The following DPYD variants were observed in gnomAD, a reference collection of about 807,000 sequenced individuals.
DPYD encodes dihydropyrimidine dehydrogenase [NADP(+)].
Under a neutral mutation model 116.2 loss-of-function variants are expected in DPYD, and 109 were observed. The observed-to-expected ratio is 0.94, with a 90% CI of 0.80 to 1.10. DPYD has a LOEUF of 1.10. Among genes scored for constraint, DPYD ranks in the 50% least tolerant of loss-of-function variants. DPYD has a pLI of 0.00. For missense variants in DPYD, 1,302 were observed against 1,254.5 expected (o/e 1.04, Z -0.57); for synonymous variants, 440 against 432.0 (o/e 1.02, Z -0.23).
intron 16 of DPYD, among the ~76,000 whole-genome samples, chr1:97,338,033 C>G (rs1669390149): frequency 6.6e-6 from 1 of 152,112 alleles, no homozygotes; most frequent in Non-Finnish European, 1.5e-5. Context: ...AGTGGTTCCT[C>G]CATTCCTGTT....
At chr1:97,263,555 C>A (rs1241445467) in intron 18 of DPYD, among the ~76,000 whole-genome samples, 1 of 151,888 alleles carries the variant, frequency 6.6e-6, no homozygotes, top group African/African-American at 2.4e-5. Flanking sequence ...GCTTATATAG[C>A]CATTATTATT....
intron 18 of DPYD, among the ~76,000 whole-genome samples, chr1:97,304,156 G>A (rs1667027030): frequency 6.6e-6 from 1 of 151,954 alleles, no homozygotes; most frequent in South Asian, 2.1e-4. Flanking sequence ...CAACATGGCA[G>A]GCTGGAAAAA....
intron 3 of DPYD, among the ~76,000 whole-genome samples, chr1:97,778,214 GAGA>G (rs1240218959): frequency 1.5e-5 from 2 of 132,202 alleles, no homozygotes; most frequent in Non-Finnish European, 3.2e-5. Flanking sequence ...GAGAGAGAGA[GAGA>G]GAGGGAGGGA....
At chr1:97,594,102 T>C (rs970845019) in intron 9 of DPYD, among the ~76,000 whole-genome samples, 1 of 152,180 alleles carries the variant, frequency 6.6e-6, no homozygotes, top group Non-Finnish European at 1.5e-5. Context: ...ATTCCTTATG[T>C]GTTAGGTAGC....
intron 2 of DPYD, among the ~76,000 whole-genome samples, chr1:97,846,498 T>A (rs537657594): frequency 6.6e-6 from 1 of 152,204 alleles, no homozygotes; most frequent in African/African-American, 2.4e-5. Flanking sequence ...CTTGTGGGAC[T>A]GAGCCCATAA....
chr1:97,804,535 T>C (rs1325972132), intron 3 of DPYD, among the ~76,000 whole-genome samples: 1 of 151,804 alleles, frequency 6.6e-6, no homozygotes, highest in Non-Finnish European at 1.5e-5. Context: ...GTATTTTGAG[T>C]TTATCTATCC....
intron 19 of DPYD, among the ~76,000 whole-genome samples, chr1:97,198,439 A>G (rs1658966287): frequency 2.0e-5 from 3 of 152,216 alleles, no homozygotes; most frequent in African/African-American, 2.4e-5. Flanking sequence ...TAATAAGACT[A>G]AAAATAAAAC....
At chr1:97,768,522 T>C (rs903099794) in intron 3 of DPYD, among the ~76,000 whole-genome samples, 1 of 152,222 alleles carries the variant, frequency 6.6e-6, no homozygotes, top group African/African-American at 2.4e-5. Context: ...CATTAAGATC[T>C]GTGATGATAA....
intron 3 of DPYD, among the ~76,000 whole-genome samples, chr1:97,796,681 G>A (rs72977779): frequency 0.022 from 3,320 of 152,196 alleles, 55 homozygotes; most frequent in Middle Eastern, 0.044. Context: ...AGACAGAGAA[G>A]AGAGAACAAA....
At chr1:97,574,076 A>G in intron 10 of DPYD, 106 bp from the exon 11 acceptor site, 1 of 1,519,764 alleles carries the variant, frequency 6.6e-7, no homozygotes, top group Non-Finnish European at 8.8e-7. Flanking sequence ...TATTAAGTCA[A>G]TATGCAGCTT....
chr1:97,090,690 C>T (rs1048125393), intron 21 of DPYD, among the ~76,000 whole-genome samples: 3 of 152,122 alleles, frequency 2.0e-5, no homozygotes, highest in African/African-American at 7.2e-5. Flanking sequence ...TGTCTTTCTC[C>T]CTTGCTAGAC....
At chr1:97,257,452 T>TATATATATATATATATATAG (rs375490078) in intron 18 of DPYD, among the ~76,000 whole-genome samples, 1 of 126,474 alleles carries the variant, frequency 7.9e-6, no homozygotes, top group African/African-American at 3.1e-5. Flanking sequence ...TATATATATA[T>TATATATATATATATATATAG]AGAGAGAGAG....
rs111732478 is a variant in DPYD at position 97,848,977 on chromosome 1, C to T, written c.151-20781G>A. On this transcript the variant is annotated intron_variant, in intron 2 of 22. Coordinates refer to ENST00000370192, the MANE Select transcript of DPYD (RefSeq NM_000110.4). Reference sequence around the variant, plus strand: ...TATCCTAAGGAAATACTCTTAAATACGTGAAATGATAGTGATTACAATTAC... The same window carrying T: ...TATCCTAAGGAAATACTCTTAAATATGTGAAATGATAGTGATTACAATTAC... Among the ~76,000 whole-genome samples the T allele has an allele frequency of 9.6e-3, 1,453 of 152,022 alleles. 27 individuals carry two copies. Among genetic ancestry groups the T allele is most frequent in the African/African-American group, 0.033 (1,376 of 41,468 alleles).
At chr1:97,448,721 T>C (rs1676229140) in intron 14 of DPYD, among the ~76,000 whole-genome samples, 1 of 151,830 alleles carries the variant, frequency 6.6e-6, no homozygotes, top group South Asian at 2.1e-4. Flanking sequence ...GAGTTAATTA[T>C]ATAATATGAA....
intron 2 of DPYD, among the ~76,000 whole-genome samples, chr1:97,872,340 C>G (rs1571506406): frequency 6.6e-6 from 1 of 151,762 alleles, no homozygotes; most frequent in South Asian, 2.1e-4. Context: ...AATAGAGCAC[C>G]CTGCTTAACC....
chr1:97,111,950 G>C (rs913530212), intron 20 of DPYD, among the ~76,000 whole-genome samples: 41 of 152,076 alleles, frequency 2.7e-4, no homozygotes, highest in African/African-American at 8.9e-4. Flanking sequence ...ATTTTATAAG[G>C]TTGTAAAGAT....
At chr1:97,173,464 T>C (rs890473237) in intron 20 of DPYD, among the ~76,000 whole-genome samples, 1 of 130,406 alleles carries the variant, frequency 7.7e-6, no homozygotes, top group African/African-American at 3.2e-5. Flanking sequence ...AGTATATATA[T>C]ACACACATAA....
chr1:97,175,622 G>A (rs12759852), intron 20 of DPYD, among the ~76,000 whole-genome samples: 27,119 of 152,028 alleles, frequency 0.18, 2,466 homozygotes, highest in East Asian at 0.29. Flanking sequence ...GGAAGAATAA[G>A]GGCAAGGGAG....
At chr1:97,851,387 A>G (rs1259815909) in intron 2 of DPYD, among the ~76,000 whole-genome samples, 5 of 151,826 alleles carry the variant, frequency 3.3e-5, no homozygotes, top group Non-Finnish European at 7.4e-5. Flanking sequence ...ATGTCACTTC[A>G]TTCTTTATTC....
Sources: gnomAD v4.1 joint callset for allele counts (sites outside exome capture counted in the v4.1 genomes callset) on GRCh38, gnomAD v4.1.1 for gene constraint, MANE v1.5 for transcripts, NCBI Gene and HGNC (gene_info 2026-07-23, HGNC 2026-07-21) for gene names.